Variants in KDM6A observed in about 807,000 individuals in gnomAD.
KDM6A encodes the protein lysine demethylase 6A.
KDM6A carries 11 observed loss-of-function variants against 117.6 expected under a neutral mutation model. That is an observed-to-expected ratio of 0.09 (90% confidence interval 0.06 to 0.15). The LOEUF (loss-of-function observed/expected upper bound fraction) is 0.15, where lower values mean the gene tolerates loss of function less well. KDM6A is among the 10% of genes least tolerant of loss of function. The pLI is 1.00. For missense variants in KDM6A, 799 were observed against 1,077.3 expected (o/e 0.74, Z 3.62); for synonymous variants, 384 against 396.1 (o/e 0.97, Z 0.36).
chrX:45,090,706 G>GT lies in KDM6A; in HGVS notation c.3893-6dup, dbSNP rs748438075. The stretch of plus-strand genomic sequence containing the variant: ...TGGTACTTTGGGTTGCTTTATAACT[G>GT]TTTTTTTTTTTCCTAGCCTGCCAGT... On this transcript the variant is annotated splice_polypyrimidine_tract_variant and intron_variant, in intron 26 of 29. Transcript: ENST00000611820. 0.017 allele frequency: 12,011 copies of GT among 695,893 alleles called. No homozygotes were observed. The highest frequency in any genetic ancestry group is 0.018 in the Non-Finnish European group (9,290 of 508,811). 57.3% of individuals were successfully genotyped at this position (695,893 alleles called of 1,213,427 possible).
At chrX:45,050,327 C>A (rs896019244) in intron 8 of KDM6A, among the ~76,000 whole-genome samples, 1 of 112,216 alleles carries the variant, frequency 8.9e-6, no homozygotes, top group Non-Finnish European at 1.9e-5. Context: ...GCAACAAGGG[C>A]GACACTCCGT....
At chrX:45,019,458 T>C (rs765104671) in intron 5 of KDM6A, among the ~76,000 whole-genome samples, 2 of 112,123 alleles carry the variant, frequency 1.8e-5, no homozygotes, top group African/African-American at 6.5e-5. Context: ...CCATTCACAC[T>C]TTTTTGGGAA....
intron 17 of KDM6A, among the ~76,000 whole-genome samples, chrX:45,064,615 G>A (rs1347130649): frequency 1.8e-5 from 2 of 111,777 alleles, no homozygotes; most frequent in East Asian, 2.8e-4. Flanking sequence ...ATGGGTACTC[G>A]CTGAGGTGAA....
chrX:45,017,994 A>G lies in KDM6A; in HGVS notation c.444-2616A>G, dbSNP rs757499229. Among the ~76,000 whole-genome samples the G allele has an allele frequency of 2.7e-5, 3 of 111,981 alleles. No individual in the cohort carries two copies. In the South Asian group the frequency reaches 1.1e-3, roughly 41 times the overall value. On this transcript the variant is annotated intron_variant, in intron 5 of 29. Transcript: ENST00000611820. ...AGTAAGGAAAAGCAGTGAAGTCAGGAGAACCAGTATTTAAGAATTCCTGAG... is the reference window on the plus strand; with the variant it reads ...AGTAAGGAAAAGCAGTGAAGTCAGGGGAACCAGTATTTAAGAATTCCTGAG...
chrX:44,976,209 T>C (rs1242379751), intron 4 of KDM6A, among the ~76,000 whole-genome samples: 1 of 111,588 alleles, frequency 9.0e-6, no homozygotes, highest in Non-Finnish European at 1.9e-5. Flanking sequence ...TCCCCAGCCC[T>C]GGCAACCACC....
At chrX:44,963,010 A>G (rs2038761424) in intron 3 of KDM6A, among the ~76,000 whole-genome samples, 1 of 112,083 alleles carries the variant, frequency 8.9e-6, no homozygotes, top group East Asian at 2.8e-4. Flanking sequence ...ATGCTGTTTG[A>G]AAGCATTTTA....
At chrX:45,066,140 T>C (rs771185792) in intron 17 of KDM6A, among the ~76,000 whole-genome samples, 3 of 112,254 alleles carry the variant, frequency 2.7e-5, no homozygotes, top group African/African-American at 6.5e-5. Context: ...ATCTGATCCT[T>C]TACAGAAAAG....
At chrX:45,022,946 T>C (rs923266902) in intron 6 of KDM6A, among the ~76,000 whole-genome samples, 1 of 112,423 alleles carries the variant, frequency 8.9e-6, no homozygotes, top group African/African-American at 3.2e-5. Context: ...CTGCTTAGTG[T>C]AATGCTGGCA....
intron 6 of KDM6A, among the ~76,000 whole-genome samples, chrX:45,033,283 A>C (rs1296371584): frequency 2.7e-5 from 3 of 112,412 alleles, no homozygotes; most frequent in African/African-American, 9.7e-5. Context: ...CTATGGTAGC[A>C]CACTAAAGGG....
At chrX:44,985,863 A>G in intron 4 of KDM6A, among the ~76,000 whole-genome samples, 1 of 109,847 alleles carries the variant, frequency 9.1e-6, no homozygotes, top group East Asian at 2.8e-4. Flanking sequence ...TATTGGTCTA[A>G]AAGTCTCTTT....
In KDM6A at chrX:45,069,615, C is replaced by T. The variant is rs752105957; in HGVS notation, c.2116C>T (p.Pro706Ser). The part of the protein sequence containing the change: ...HKGQSSHSAG[P>S]NGERPLSSTG... Reference sequence around the variant, plus strand: ...AGGTCAGAGTTCACATTCGGCAGGTCCTAATGGTGAACGACCTCTCTCTTC... The same window carrying T: ...AGGTCAGAGTTCACATTCGGCAGGTTCTAATGGTGAACGACCTCTCTCTTC... Residue 706 changes from proline (P) to serine (S), a missense_variant, in exon 18 of 30, where the codon CCT (proline) becomes TCT (serine). Around this residue, in one of 8 missense-constraint regions of KDM6A, gnomAD observed 301 missense variants for 318.3 expected, o/e 0.95. Transcript: ENST00000611820. The T allele has an allele frequency of 3.3e-6, 4 of 1,210,686 alleles. No homozygotes were observed. The highest frequency in any genetic ancestry group is 1.8e-5 in the South Asian group (1 of 56,929).
intron 2 of KDM6A, among the ~76,000 whole-genome samples, chrX:44,932,084 C>CTTTTTTT (rs796121677): frequency 0.019 from 322 of 17,099 alleles, 41 homozygotes; most frequent in Non-Finnish European, 0.021. Flanking sequence ...TCTAGGTAGC[C>CTTTTTTT]TTTTTTTTTT....
intron 3 of KDM6A, among the ~76,000 whole-genome samples, chrX:44,966,486 G>A (rs148472239): frequency 4.6e-4 from 51 of 111,085 alleles, no homozygotes; most frequent in Non-Finnish European, 8.3e-4. Context: ...CAAGGAGATT[G>A]ATCTTGGATA....
At chrX:45,083,645 A>G in intron 24 of KDM6A, 37 bp downstream of exon 24, 2 of 1,131,599 alleles carry the variant, frequency 1.8e-6, no homozygotes, top group Non-Finnish European at 2.4e-6. Flanking sequence ...GTTAAAATGG[A>G]AAACAAAATC....
chrX:45,090,827 A>G lies in KDM6A; in HGVS notation c.3997A>G (p.Ile1333Val). The change falls in exon 27 of 30, where the codon ATC becomes GTC. Residue 1333 changes from isoleucine (I) to valine (V), a missense_variant. Physicochemically the swap from Ile to Val is conservative, Grantham distance 29 (BLOSUM62 3). Around this residue, in one of 8 missense-constraint regions of KDM6A, gnomAD observed 291 missense variants for 437.9 expected, o/e 0.66. Coordinates refer to ENST00000611820, the MANE Select transcript of KDM6A (RefSeq NM_001291415.2). The stretch of plus-strand genomic sequence containing the variant: ...TCTTTCCTGGAATATGGCACGAAAT[A>G]TCAAGGTCTCAGATCCAAAGCTTTT... Reference protein sequence around the residue: ...VHLSWNMARNIKVSDPKLFEM... With the variant: ...VHLSWNMARNVKVSDPKLFEM... The G allele has an allele frequency of 2.5e-6, 3 of 1,210,290 alleles. No homozygotes were observed. Among genetic ancestry groups the G allele is most frequent in the East Asian group, 3.0e-5 (1 of 33,797 alleles).
chrX:45,099,792 T>C (rs772373038), intron 27 of KDM6A, among the ~76,000 whole-genome samples: 2 of 111,941 alleles, frequency 1.8e-5, no homozygotes, highest in African/African-American at 6.5e-5. Context: ...CCCAACACTT[T>C]GGGAGGCCAA....
chrX:45,009,374 G>T lies in KDM6A; in HGVS notation c.385-1587G>T, dbSNP rs1291170636. Among the ~76,000 whole-genome samples, 4 of 111,920 alleles carry T rather than the reference G, an allele frequency of 3.6e-5. No individual in the cohort carries two copies. The Admixed American group carries it at 3.8e-4, about 11-fold the overall frequency. ...AGCATACTAATGCATTATAATTAGT[G>T]TATAATGAGCAGTGAGGACGACCAG... On this transcript the variant is annotated intron_variant, in intron 4 of 29. Coordinates refer to ENST00000611820, the MANE Select transcript of KDM6A (RefSeq NM_001291415.2).
intron 2 of KDM6A, among the ~76,000 whole-genome samples, chrX:44,926,165 G>T (rs1195776667): frequency 3.7e-5 from 4 of 107,858 alleles, no homozygotes; most frequent in African/African-American, 6.8e-5. Flanking sequence ...CCATCTCCTG[G>T]GTTCAAGCGA....
chrX:45,018,854 T>A (rs895357293), intron 5 of KDM6A, among the ~76,000 whole-genome samples: 1 of 111,723 alleles, frequency 9.0e-6, no homozygotes, highest in African/African-American at 3.3e-5. Context: ...AAGGTAAGGT[T>A]AAGAAGCATT....
Sources: gnomAD v4.1 joint callset for allele counts (sites outside exome capture counted in the v4.1 genomes callset) on GRCh38, gnomAD v4.1.1 for gene constraint, gnomAD v4.1.1 regional missense constraint, MANE v1.5 for transcripts, NCBI Gene and HGNC (gene_info 2026-07-23, HGNC 2026-07-21) for gene names.